EYA2: variants seen among roughly 807,000 people sequenced by gnomAD.
EYA2 encodes the protein protein phosphatase EYA2.
In EYA2, 31 loss-of-function variants were observed where a neutral mutation model predicts 69.2. The ratio of observed to expected loss-of-function variants is 0.45; its 90% CI spans 0.34 to 0.60. The LOEUF (loss-of-function observed/expected upper bound fraction) is 0.60. Among genes scored for constraint, EYA2 ranks in the 20% least tolerant of loss-of-function variants. The pLI is 0.02. For missense variants in EYA2, 622 were observed against 701.2 expected (o/e 0.89, Z 1.28); for synonymous variants, 257 against 279.4 (o/e 0.92, Z 0.80).
chr20:47,137,495 C>A (rs537325918), intron 9 of EYA2, among the ~76,000 whole-genome samples: 1 of 152,038 alleles, frequency 6.6e-6, no homozygotes, highest in Non-Finnish European at 1.5e-5. Flanking sequence ...GTCAGTGGCC[C>A]GAAAGAGCAT....
chr20:47,051,426 A>C (rs2030327929), intron 5 of EYA2, among the ~76,000 whole-genome samples: 1 of 152,228 alleles, frequency 6.6e-6, no homozygotes, highest in African/African-American at 2.4e-5. Context: ...CAAAAATTAC[A>C]GCAGATTGGA....
At chr20:46,922,975 A>G (rs551015372) in intron 1 of EYA2, among the ~76,000 whole-genome samples, 2 of 152,332 alleles carry the variant, frequency 1.3e-5, no homozygotes, top group Admixed American at 1.3e-4. Context: ...ATAAGAAAAG[A>G]GCAGACAAAC....
intron 9 of EYA2, among the ~76,000 whole-genome samples, chr20:47,105,193 T>C (rs1788596232): frequency 6.6e-6 from 1 of 152,272 alleles, no homozygotes; most frequent in Non-Finnish European, 1.5e-5. Flanking sequence ...TTTGTTCTTA[T>C]GACCAGTCTT....
At chr20:47,005,147 A>T in intron 4 of EYA2, 63 bp downstream of exon 4, 1 of 1,567,576 alleles carries the variant, frequency 6.4e-7, no homozygotes, top group Non-Finnish European at 8.7e-7. Flanking sequence ...TTTGTTCTGC[A>T]CTATTGTCTC....
chr20:46,899,476 C>T (rs1362126584), intron 1 of EYA2, among the ~76,000 whole-genome samples: 1 of 152,142 alleles, frequency 6.6e-6, no homozygotes, highest in Admixed American at 6.5e-5. Flanking sequence ...TTTATTCCTT[C>T]GATACTAACA....
intron 2 of EYA2, among the ~76,000 whole-genome samples, chr20:46,992,776 G>A (rs1355854768): frequency 1.3e-5 from 2 of 152,152 alleles, no homozygotes; most frequent in Admixed American, 6.5e-5. Context: ...AACAGGTAGC[G>A]CCAGTGAGGT....
intron 1 of EYA2, among the ~76,000 whole-genome samples, chr20:46,948,436 A>C (rs1472813337): frequency 6.6e-6 from 1 of 152,206 alleles, no homozygotes; most frequent in Non-Finnish European, 1.5e-5. Context: ...CACTGGTCAC[A>C]GCTCACTAAA....
chr20:47,170,111 T>C (rs1315648025), intron 11 of EYA2, among the ~76,000 whole-genome samples: 1 of 151,662 alleles, frequency 6.6e-6, no homozygotes, highest in Non-Finnish European at 1.5e-5. Flanking sequence ...TTTCACCATA[T>C]TGGCCAGGCT....
chr20:47,014,759 T>G (rs1253909737), intron 4 of EYA2, among the ~76,000 whole-genome samples: 1 of 151,834 alleles, frequency 6.6e-6, no homozygotes, highest in African/African-American at 2.4e-5. Flanking sequence ...TGTATATATG[T>G]GTGTATATAT....
intron 1 of EYA2, among the ~76,000 whole-genome samples, chr20:46,986,345 A>G (rs1048199658): frequency 4.1e-4 from 27 of 65,088 alleles, no homozygotes; most frequent in Non-Finnish European, 1.0e-3. Flanking sequence ...TCTAATGTAT[A>G]TATATACACA....
intron 2 of EYA2, among the ~76,000 whole-genome samples, chr20:46,996,475 A>G (rs1386923561): frequency 6.6e-6 from 1 of 152,244 alleles, no homozygotes; most frequent in Non-Finnish European, 1.5e-5. Flanking sequence ...ACCAACAATC[A>G]GAACCTGTGT....
At chr20:46,914,745 G>A (rs866780975) in intron 1 of EYA2, among the ~76,000 whole-genome samples, 2 of 152,122 alleles carry the variant, frequency 1.3e-5, no homozygotes, top group African/African-American at 2.4e-5. Flanking sequence ...GGGTGGGGAC[G>A]CAGCCAAACC....
At chr20:46,936,528 A>C (rs1364913382) in intron 1 of EYA2, among the ~76,000 whole-genome samples, 1 of 152,130 alleles carries the variant, frequency 6.6e-6, no homozygotes, top group Non-Finnish European at 1.5e-5. Flanking sequence ...AATCATCATC[A>C]TTATCCATTA....
At chr20:46,916,710 G>A (rs1984922130) in intron 1 of EYA2, among the ~76,000 whole-genome samples, 1 of 152,140 alleles carries the variant, frequency 6.6e-6, no homozygotes, top group African/African-American at 2.4e-5. Flanking sequence ...GGATATAGTG[G>A]GGGGCTTTTG....
At chr20:47,184,841 A>T (rs1453834731) in intron 15 of EYA2, among the ~76,000 whole-genome samples, 3 of 152,178 alleles carry the variant, frequency 2.0e-5, no homozygotes, top group Admixed American at 6.6e-5. Flanking sequence ...GAGGAGACGG[A>T]CTTACGAGTT....
chr20:47,176,471 G>A lies in EYA2; in HGVS notation c.1199-3327G>A, dbSNP rs186786138. Among the ~76,000 whole-genome samples, 8 of 152,256 alleles carry A rather than the reference G, an allele frequency of 5.3e-5. No homozygotes were observed. The East Asian group carries it at 9.7e-4, about 18-fold the overall frequency. ...CCCAGCGTGGGCAGTGGTGGCCAGG[G>A]GATACTTGGAATAGTAGACCCAGAG... On this transcript the variant is annotated intron_variant, in intron 12 of 15. Transcript: ENST00000327619.
At chr20:47,128,249 G>C (rs1350968645) in intron 9 of EYA2, among the ~76,000 whole-genome samples, 4 of 152,134 alleles carry the variant, frequency 2.6e-5, no homozygotes, top group African/African-American at 7.2e-5. Context: ...AGTTAGCTTT[G>C]CCTTTTCATA....
intron 5 of EYA2, among the ~76,000 whole-genome samples, chr20:47,041,084 G>A (rs1204076161): frequency 6.6e-6 from 1 of 152,214 alleles, no homozygotes; most frequent in African/African-American, 2.4e-5. Flanking sequence ...ATAACCAGCA[G>A]GTGGGTGCAG....
chr20:47,163,322 C>T (rs934252352), intron 10 of EYA2, among the ~76,000 whole-genome samples: 13 of 152,170 alleles, frequency 8.5e-5, no homozygotes, highest in African/African-American at 2.4e-4. Context: ...TAAGCCACCG[C>T]GCCCAGCCGG....
Sources: gnomAD v4.1 joint callset for allele counts (sites outside exome capture counted in the v4.1 genomes callset) on GRCh38, gnomAD v4.1.1 for gene constraint, MANE v1.5 for transcripts, NCBI Gene and HGNC (gene_info 2026-07-23, HGNC 2026-07-21) for gene names.